Variants in RUSC1 observed in about 807,000 individuals in gnomAD.
RUSC1 encodes the protein AP-4 complex accessory subunit RUSC1.
Under a neutral mutation model 72.1 loss-of-function variants are expected in RUSC1, and 40 were observed. The observed-to-expected ratio is 0.55, with a 90% CI of 0.43 to 0.72. RUSC1 has a LOEUF of 0.72. RUSC1 is among the 30% of genes least tolerant of loss of function. RUSC1 has a pLI of 0.00. For missense variants in RUSC1, 1,092 were observed against 1,172.3 expected, an observed-to-expected ratio of 0.93 and a Z score of 1.00; for synonymous variants, 512 against 494.2, an observed-to-expected ratio of 1.04 and a Z score of -0.48.
In RUSC1 at chr1:155,328,204, G is replaced by T. The variant is rs776262680; in HGVS notation, c.2469G>T (p.Arg823=). The T allele has an allele frequency of 2.9e-5, 46 of 1,613,546 alleles. No homozygotes were observed. The highest frequency in any genetic ancestry group is 3.8e-5 in the Non-Finnish European group (45 of 1,179,768). Residue 823 remains arginine, a synonymous_variant, in exon 9 of 10, where the codon CGG becomes CGT. Transcript: ENST00000368352. ...PTVSVLALVK[R]GAPPEMPSPQ... Reference sequence around the variant, plus strand: ...TGAGTGTGTTGGCTCTTGTGAAGCGGGGGGCACCTCCCGAGATGCCTTCTC... The same window carrying T: ...TGAGTGTGTTGGCTCTTGTGAAGCGTGGGGCACCTCCCGAGATGCCTTCTC...
rs553623554 is a variant in RUSC1, at chr1:155,324,824, G to C, written c.1358-21G>C. Reference sequence around the variant, plus strand: ...AATAACACTTGGTAAGTGTTACCGCGCCCTTCTTCCCTTACGCCAGTCCGT... The same window carrying C: ...AATAACACTTGGTAAGTGTTACCGCCCCCTTCTTCCCTTACGCCAGTCCGT... On this transcript the variant is annotated intron_variant, in intron 2 of 9. Coordinates refer to ENST00000368352, the MANE Select transcript of RUSC1 (RefSeq NM_001105203.2). The C allele has an allele frequency of 6.2e-6, 10 of 1,614,232 alleles. No homozygotes were observed. The South Asian group carries it at 9.9e-5, about 16-fold the overall frequency.
At position 155,322,447 on chromosome 1, in the gene RUSC1, C is replaced by T; in HGVS notation, c.674C>T (p.Thr225Met). ...GATGGGAAAATCGACGCTGGGAAAA[C>T]GGAGCCCAGTTGGAAGATTAACCCA... ...ADDGKIDAGKTEPSWKINPIW... is the reference protein window; with the variant it reads ...ADDGKIDAGKMEPSWKINPIW... The change falls in exon 2 of 10, where the codon ACG becomes ATG. Residue 225 changes from threonine (T) to methionine (M), a missense_variant. Coordinates refer to ENST00000368352, the MANE Select transcript of RUSC1 (RefSeq NM_001105203.2). The T allele has an allele frequency of 1.2e-6, 2 of 1,614,046 alleles. No homozygotes were observed. Among genetic ancestry groups the T allele is most frequent in the Non-Finnish European group, 1.7e-6 (2 of 1,179,992 alleles).
In RUSC1 at chr1:155,325,571, C is replaced by T. The variant is rs752485808; in HGVS notation, c.1713C>T (p.Ser571=). ...GACTGCACCCCACGTTCTCAGGCTC[C>T]AGCACCCGCTCCCTTGGAACCCTGT... The part of the protein sequence containing the change: ...SVVEASVKPG[S]STRSLGTLYS... The change falls in exon 6 of 10, where the codon TCC becomes TCT. Residue 571 remains serine, a synonymous_variant. Coordinates refer to ENST00000368352, the MANE Select transcript of RUSC1 (RefSeq NM_001105203.2). This position sits in a 1 kb window ranked among gnomAD's most constrained non-coding sequence, Gnocchi z 6.5. 3.1e-6 allele frequency: 5 copies of T among 1,609,974 alleles called. No individual in the cohort carries two copies. The highest frequency in any genetic ancestry group is 4.2e-6 in the Non-Finnish European group (5 of 1,179,916).
At position 155,325,168 on chromosome 1, in the gene RUSC1, T is replaced by G; in HGVS notation, c.1523T>G (p.Leu508Trp). 1 of 1,614,146 alleles carries G rather than the reference T, an allele frequency of 6.2e-7. No individual in the cohort carries two copies. The highest frequency in any genetic ancestry group is 2.2e-5 in the East Asian group (1 of 44,872). Residue 508 changes from leucine to tryptophan, a missense_variant, in exon 4 of 10, where the codon TTG becomes TGG. Transcript: ENST00000368352. This position sits in a 1 kb window ranked among gnomAD's most constrained non-coding sequence, Gnocchi z 6.5. ...TCGCATTTCGGGGCCGCCCGGAACT[T>G]GGTGCAGAAGGTGAAGGTGGCTGGG... ...IISHFGAARNLVQKAQLGDSR... is the reference protein window; with the variant it reads ...IISHFGAARNWVQKAQLGDSR...
At position 155,330,649 on chromosome 1, in the gene RUSC1, G is replaced by A; in HGVS notation, c.*78G>A. The A allele has an allele frequency of 1.5e-6, 2 of 1,359,644 alleles. No individual in the cohort carries two copies. The highest frequency in any genetic ancestry group is 3.0e-5 in the South Asian group (2 of 66,858). The allele number at this position is 1,359,644 out of a possible 1,614,324, so 84.2% of individuals were successfully genotyped here. A position where few individuals can be genotyped will look rare whatever the true frequency, so the allele number is the denominator to read the frequency against. On this transcript the variant is annotated 3_prime_UTR_variant, in exon 10 of 10. Coordinates refer to ENST00000368352, the MANE Select transcript of RUSC1 (RefSeq NM_001105203.2). ...ATGGCCAGTGAACACCATCCCAGAAGCATTTTCCCTCTGCAAAATGACGTT... is the reference window on the plus strand; with the variant it reads ...ATGGCCAGTGAACACCATCCCAGAAACATTTTCCCTCTGCAAAATGACGTT...
chr1:155,327,100 C>T lies in RUSC1; in HGVS notation c.2382C>T (p.Pro794=), dbSNP rs199623628. The change falls in exon 8 of 10, where the codon CCC becomes CCT. Residue 794 remains proline (P), a synonymous_variant. Transcript: ENST00000368352. ...GACTATTTGGAGTGCCTGGGGGCCC[C>T]GCAGAAAATGAGAATGGAGCCCTAA... is the stretch of plus-strand genomic sequence containing the variant. ...LGRLFGVPGG[P]AENENGALKS... 447 of 1,607,182 alleles carry T rather than the reference C, an allele frequency of 2.8e-4. 1 individual carries two copies. The African/African-American group carries it at 4.2e-3, about 15-fold the overall frequency.
rs1424116130 is a variant in RUSC1 at position 155,325,279 on chromosome 1, G to A, written c.1534-37G>A. The A allele has an allele frequency of 3.7e-6, 6 of 1,606,626 alleles. No homozygotes were observed. Among genetic ancestry groups the A allele is most frequent in the Non-Finnish European group, 5.1e-6 (6 of 1,179,720 alleles). On this transcript the variant is annotated intron_variant, in intron 4 of 9. Transcript: ENST00000368352. The surrounding 1 kb of genome is among the most constrained non-coding windows in gnomAD (Gnocchi z 6.5). ...GGGAGGTGGCTGGGAGGTGTCTGGAGGGATCTCTGGAGCCATCGGCATCGC... is the reference window on the plus strand; with the variant it reads ...GGGAGGTGGCTGGGAGGTGTCTGGAAGGATCTCTGGAGCCATCGGCATCGC...
Position 155,326,467 on chromosome 1 carries a change from A to C in RUSC1, c.1862-113A>C. On this transcript the variant is annotated intron_variant, in intron 7 of 9. Coordinates refer to ENST00000368352, the MANE Select transcript of RUSC1 (RefSeq NM_001105203.2). The surrounding 1 kb of genome is among the most constrained non-coding windows in gnomAD (Gnocchi z 4.7). Reference sequence around the variant, plus strand: ...CCACATCCTTCCTCCTCTCTGCCCCAGTGCCCAGCAGAGTGAGGCCTGGGA... The same window carrying C: ...CCACATCCTTCCTCCTCTCTGCCCCCGTGCCCAGCAGAGTGAGGCCTGGGA... 9.2e-7 allele frequency: 1 copy of C among 1,088,412 alleles called. No individual in the cohort carries two copies. Among genetic ancestry groups the C allele is most frequent in the South Asian group, 1.5e-5 (1 of 64,740 alleles). The allele number at this position is 1,088,412 out of a possible 1,614,324, so 67.4% of individuals were successfully genotyped here.
chr1:155,323,232 A>C (rs1178796778), intron 2 of RUSC1, 102 bp downstream of exon 2: 6 of 1,262,142 alleles, frequency 4.8e-6, no homozygotes, highest in Non-Finnish European at 5.1e-6. Flanking sequence ...TGTGTCACCC[A>C]TCCTCCCCGC....
rs1333521637 is a variant in RUSC1, at chr1:155,322,295, C to A, written c.522C>A (p.Pro174=). 1 of 1,610,278 alleles carries A rather than the reference C, an allele frequency of 6.2e-7. No individual in the cohort carries two copies. Among genetic ancestry groups the A allele is most frequent in the African/African-American group, 1.3e-5 (1 of 74,900 alleles). ...CCTGCTCCGGAGCTTCTTCTTCACC[C>A]GATCCTGGCCTGGACTCGAACTGCA... ...PDSCSGASSS[P]DPGLDSNCNA... The change falls in exon 2 of 10, where the codon CCC becomes CCA. Residue 174 remains proline, a synonymous_variant. Coordinates refer to ENST00000368352, the MANE Select transcript of RUSC1 (RefSeq NM_001105203.2).
chr1:155,322,860 G>T lies in RUSC1; in HGVS notation c.1087G>T (p.Ala363Ser). The T allele has an allele frequency of 1.2e-6, 2 of 1,612,850 alleles. No homozygotes were observed. Among genetic ancestry groups the T allele is most frequent in the Non-Finnish European group, 8.5e-7 (1 of 1,179,768 alleles). ...PPSGSPGGSS[A>S]PPREVTTFKE... ...CTCGGGGTCGCCGGGCGGCTCCTCG[G>T]CACCTCCTCGGGAAGTCACCACCTT... is the stretch of plus-strand genomic sequence containing the variant. Residue 363 changes from alanine (A) to serine (S), a missense_variant, in exon 2 of 10, where the codon GCA (alanine) becomes TCA (serine). Transcript: ENST00000368352.
At position 155,325,523 on chromosome 1, in the gene RUSC1, G is replaced by T. The variant is rs772209434; in HGVS notation, c.1708+33G>T. The T allele has an allele frequency of 6.2e-7, 1 of 1,604,392 alleles. No homozygotes were observed. Among genetic ancestry groups the T allele is most frequent in the Non-Finnish European group, 8.5e-7 (1 of 1,178,496 alleles). ...AGGAGGGCGTGGGACCCGGCAGTGC[G>T]CAGGGCAGGGCCGGGCTTGGCTGAC... On this transcript the variant is annotated intron_variant, in intron 5 of 9. Coordinates refer to ENST00000368352, the MANE Select transcript of RUSC1 (RefSeq NM_001105203.2). The surrounding 1 kb of genome is among the most constrained non-coding windows in gnomAD (Gnocchi z 6.5).
At chr1:155,321,244 C>T (rs777599377) in intron 1 of RUSC1, 1 of 1,362,548 alleles carries the variant, frequency 7.3e-7, no homozygotes, top group Non-Finnish European at 9.8e-7. Context: ...AGCCCCCACC[C>T]CTTTCCTGCA....
At position 155,325,152 on chromosome 1, in the gene RUSC1, G is replaced by A; in HGVS notation, c.1507G>A (p.Gly503Arg). 6.2e-7 allele frequency: 1 copy of A among 1,614,232 alleles called. No homozygotes were observed. The highest frequency in any genetic ancestry group is 8.5e-7 in the Non-Finnish European group (1 of 1,180,034). Residue 503 changes from glycine to arginine, a missense_variant, in exon 4 of 10, where the codon GGG becomes AGG. Gly to Arg is a moderately radical substitution (Grantham distance 125, BLOSUM62 -2). Transcript: ENST00000368352. This position sits in a 1 kb window ranked among gnomAD's most constrained non-coding sequence, Gnocchi z 6.5. ...VSVDKIISHF[G>R]AARNLVQKAQ... ...CGTTGATAAAATCATCTCGCATTTCGGGGCCGCCCGGAACTTGGTGCAGAA... is the reference window on the plus strand; with the variant it reads ...CGTTGATAAAATCATCTCGCATTTCAGGGCCGCCCGGAACTTGGTGCAGAA...
Position 155,322,016 on chromosome 1 carries a change from A to G in RUSC1, c.243A>G (p.Leu81=). 1 of 1,609,092 alleles carries G rather than the reference A, an allele frequency of 6.2e-7. No homozygotes were observed. The highest frequency in any genetic ancestry group is 8.5e-7 in the Non-Finnish European group (1 of 1,177,238). ...CRCCQEHGPG[L]ENRQDPSQEE... ...GCTGCCAGGAGCACGGTCCGGGCCT[A>G]GAAAACCGGCAGGACCCGTCACAGG... The change falls in exon 2 of 10, where the codon CTA becomes CTG. Residue 81 remains leucine (L), a synonymous_variant. Transcript: ENST00000368352.
intron 1 of RUSC1, chr1:155,321,436 C>T: frequency 7.0e-7 from 1 of 1,418,496 alleles, no homozygotes; most frequent in Non-Finnish European, 9.5e-7. Flanking sequence ...AGGCCCCCGC[C>T]CCCCTTCGGA....
intron 2 of RUSC1, chr1:155,324,479 G>C: frequency 6.2e-7 from 1 of 1,609,810 alleles, no homozygotes; most frequent in South Asian, 1.1e-5. Context: ...CGGTGCGCTG[G>C]GCTACACCTC....
rs1651479339 is a variant in RUSC1, at chr1:155,326,923, G to C, written c.2205G>C (p.Gln735His). 6.2e-7 allele frequency: 1 copy of C among 1,613,698 alleles called. No individual in the cohort carries two copies. Among genetic ancestry groups the C allele is most frequent in the Admixed American group, 1.7e-5 (1 of 60,004 alleles). ...GGAGCTGGTGGGAGCAGTTGACCCA[G>C]GCCTCCCGGGTCTATGCCTCTGGGG... Reference protein sequence around the residue: ...TPGSWWEQLTQASRVYASGGT... With the variant: ...TPGSWWEQLTHASRVYASGGT... The change falls in exon 8 of 10, where the codon CAG becomes CAC. Residue 735 changes from glutamine to histidine, a missense_variant. By Grantham distance (24) the Gln-to-His change is conservative. Transcript: ENST00000368352. The surrounding 1 kb of genome is among the most constrained non-coding windows in gnomAD (Gnocchi z 4.7).
At chr1:155,328,833 C>T (rs1651706510) in intron 9 of RUSC1, among the ~76,000 whole-genome samples, 2 of 152,116 alleles carry the variant, frequency 1.3e-5, no homozygotes, top group Non-Finnish European at 2.9e-5. Flanking sequence ...CTCCTGACCT[C>T]GTGATCCGCC....
Sources: allele counts gnomAD v4.1 joint callset (sites outside exome capture counted in the v4.1 genomes callset), GRCh38; gene constraint gnomAD v4.1.1; non-coding constraint Gnocchi (gnomAD v3.1); transcripts MANE v1.5; gene names NCBI Gene and HGNC (gene_info 2026-07-23, HGNC 2026-07-21).